CDC42EP4: variants seen among roughly 807,000 people sequenced by gnomAD.
CDC42EP4 encodes the protein CDC42 effector protein (Rho GTPase binding) 4.
CDC42EP4 carries 6 observed loss-of-function variants against 5.6 expected under a neutral mutation model. That is an observed-to-expected ratio of 1.07 (90% CI 0.59 to 2.12). The LOEUF (loss-of-function observed/expected upper bound fraction) is 2.12, where lower values mean the gene tolerates loss of function less well. Among genes scored for constraint, CDC42EP4 ranks in the 30% most tolerant of loss-of-function variants. The probability of loss-of-function intolerance (pLI) is 0.00; values close to 1 mark genes in which losing one functional copy is unlikely to be tolerated. For missense variants in CDC42EP4, 490 were observed against 508.6 expected (o/e 0.96, Z 0.35); for synonymous variants, 230 against 224.2 (o/e 1.03, Z -0.23).
intron 1 of CDC42EP4, among the ~76,000 whole-genome samples, chr17:73,294,130 C>G (rs1239622304): frequency 6.6e-6 from 1 of 152,098 alleles, no homozygotes; most frequent in African/African-American, 2.4e-5. Context: ...GCGGGTGGAT[C>G]TCCTGAGGTC....
rs768962013 is a variant in CDC42EP4 at position 73,285,411 on chromosome 17, T to C, written c.*19A>G. ...AGAAGATGCAGCCAAGAGCTCCCGGTGGCCACCCACTGTCCGCCTCACACA... is the reference window on the plus strand; with the variant it reads ...AGAAGATGCAGCCAAGAGCTCCCGGCGGCCACCCACTGTCCGCCTCACACA... On this transcript the variant is annotated 3_prime_UTR_variant, in exon 2 of 2. Coordinates refer to ENST00000335793, the MANE Select transcript of CDC42EP4 (RefSeq NM_012121.5). The surrounding 1 kb of genome is among the most constrained non-coding windows in gnomAD (Gnocchi z 6.8). 10 of 1,529,216 alleles carry C rather than the reference T, an allele frequency of 6.5e-6. No individual in the cohort carries two copies. Among genetic ancestry groups the C allele is most frequent in the Non-Finnish European group, 8.0e-6 (9 of 1,131,118 alleles). The allele number at this position is 1,529,216 out of a possible 1,614,324, so 94.7% of individuals were successfully genotyped here.
rs753732333 is a variant in CDC42EP4 at position 73,285,817 on chromosome 17, CTCCTTG to C, written c.678_683del (p.Asp226_Lys227del). ...CCTCCCCCTCCTCGGGGTCCCACTC[CTCCTTG>C]TCCATGATGCTGAGGACGTCACCCA... On this transcript the variant is annotated inframe_deletion, in exon 2 of 2. Transcript: ENST00000335793. This position sits in a 1 kb window ranked among gnomAD's most constrained non-coding sequence, Gnocchi z 6.8. 1 of 1,610,586 alleles carries C rather than the reference CTCCTTG, an allele frequency of 6.2e-7. No individual in the cohort carries two copies. Among genetic ancestry groups the C allele is most frequent in the Non-Finnish European group, 8.5e-7 (1 of 1,177,118 alleles).
Position 73,285,375 on chromosome 17 carries a change from TG to T in CDC42EP4, c.*54del, listed in dbSNP as rs2062126130. On this transcript the variant is annotated 3_prime_UTR_variant, in exon 2 of 2. Coordinates refer to ENST00000335793, the MANE Select transcript of CDC42EP4 (RefSeq NM_012121.5). This position sits in a 1 kb window ranked among gnomAD's most constrained non-coding sequence, Gnocchi z 6.8. ...CGTAGGGTCAAAGGTCATAGTGGGG[TG>T]GGGGCAGGGAGAAGATGCAGCCAAG... The T allele has an allele frequency of 2.2e-6, 3 of 1,384,190 alleles. No homozygotes were observed. Among genetic ancestry groups the T allele is most frequent in the Admixed American group, 2.1e-5 (1 of 48,050 alleles). The allele number at this position is 1,384,190 out of a possible 1,614,324, so 85.7% of individuals were successfully genotyped here.
chr17:73,308,067 G>C (rs573789571), intron 1 of CDC42EP4, among the ~76,000 whole-genome samples: 1 of 151,854 alleles, frequency 6.6e-6, no homozygotes, highest in Non-Finnish European at 1.5e-5. Flanking sequence ...CCTTCCCAAC[G>C]CACTCAAGCA....
intron 1 of CDC42EP4, among the ~76,000 whole-genome samples, chr17:73,308,633 G>A (rs992000678): frequency 2.0e-5 from 3 of 152,136 alleles, no homozygotes; most frequent in Admixed American, 6.5e-5. Flanking sequence ...CCACACCTGC[G>A]CACAGACAGT....
At chr17:73,306,775 G>A (rs1007277428) in intron 1 of CDC42EP4, 1 of 152,342 alleles carries the variant, frequency 6.6e-6, no homozygotes, top group African/African-American at 2.4e-5. Flanking sequence ...ACTGAGTGAA[G>A]ACCCGAGGTA....
At chr17:73,298,694 C>T (rs910825161) in intron 1 of CDC42EP4, among the ~76,000 whole-genome samples, 1 of 151,116 alleles carries the variant, frequency 6.6e-6, no homozygotes, top group African/African-American at 2.4e-5. Flanking sequence ...ATGGGGAAGG[C>T]ACTAAAGTGA....
At position 73,288,192 on chromosome 17, in the gene CDC42EP4, G is replaced by T. The variant is rs553097153; in HGVS notation, c.-112-1580C>A. On this transcript the variant is annotated intron_variant, in intron 1 of 1. Coordinates refer to ENST00000335793, the MANE Select transcript of CDC42EP4 (RefSeq NM_012121.5). Reference sequence around the variant, plus strand: ...ATGTCCCCTCTTCCAGCAGATACTGGCTACATTATTCTGTCCCTGCTGGCT... The same window carrying T: ...ATGTCCCCTCTTCCAGCAGATACTGTCTACATTATTCTGTCCCTGCTGGCT... Among the ~76,000 whole-genome samples, 8 of 152,122 alleles carry T rather than the reference G, an allele frequency of 5.3e-5. No homozygotes were observed. The East Asian group carries it at 1.6e-3, about 30-fold the overall frequency.
rs1009655820 is a variant in CDC42EP4, at chr17:73,285,133, G to A, written c.*297C>T. ...GCATCCATTTGAGGCCAGGGTGGAGGAAAGGGAGGCCAACAGAGGAAAACC... is the reference window on the plus strand; with the variant it reads ...GCATCCATTTGAGGCCAGGGTGGAGAAAAGGGAGGCCAACAGAGGAAAACC... On this transcript the variant is annotated 3_prime_UTR_variant, in exon 2 of 2. Coordinates refer to ENST00000335793, the MANE Select transcript of CDC42EP4 (RefSeq NM_012121.5). The surrounding 1 kb of genome is among the most constrained non-coding windows in gnomAD (Gnocchi z 6.8). 5.0e-5 allele frequency: 12 copies of A among 240,454 alleles called. No individual in the cohort carries two copies. Among genetic ancestry groups the A allele is most frequent in the Non-Finnish European group, 8.8e-5 (11 of 124,504 alleles). 14.9% of individuals were successfully genotyped at this position (240,454 alleles called of 1,614,324 possible).
chr17:73,290,158 C>T lies in CDC42EP4; in HGVS notation c.-112-3546G>A, dbSNP rs553481891. Among the ~76,000 whole-genome samples, 3 of 152,344 alleles carry T rather than the reference C, an allele frequency of 2.0e-5. No homozygotes were observed. The South Asian group carries it at 6.2e-4, about 32-fold the overall frequency. ...ACTGGAGGGGATATTCAGTGCAGCA[C>T]TTTCACTTTATGGATGAGGAAACAA... On this transcript the variant is annotated intron_variant, in intron 1 of 1. Transcript: ENST00000335793.
At chr17:73,308,505 A>G (rs751822937) in intron 1 of CDC42EP4, among the ~76,000 whole-genome samples, 154 of 152,222 alleles carry the variant, frequency 1.0e-3, no homozygotes, top group South Asian at 1.7e-3. Flanking sequence ...CTTACTGCTA[A>G]CCAAGTGCAA....
rs1247604043 is a variant in CDC42EP4 at position 73,285,898 on chromosome 17, C to T, written c.603G>A (p.Lys201=). 2 of 1,613,918 alleles carry T rather than the reference C, an allele frequency of 1.2e-6. No homozygotes were observed. The highest frequency in any genetic ancestry group is 1.3e-5 in the African/African-American group (1 of 74,942). The change falls in exon 2 of 2, where the codon AAG becomes AAA. Residue 201 remains lysine, a synonymous_variant. Coordinates refer to ENST00000335793, the MANE Select transcript of CDC42EP4 (RefSeq NM_012121.5). The surrounding 1 kb of genome is among the most constrained non-coding windows in gnomAD (Gnocchi z 6.8). ...PVVPKATYGL[K]HAESIMSFHI... ...GGAAGGACATGATGGACTCCGCATG[C>T]TTCAGCCCGTACGTGGCCTTGGGCA...
At chr17:73,305,173 C>T (rs903318687) in intron 1 of CDC42EP4, among the ~76,000 whole-genome samples, 3 of 152,202 alleles carry the variant, frequency 2.0e-5, no homozygotes, top group African/African-American at 7.2e-5. Context: ...CAAGGACATC[C>T]GGCAACTTCA....
At chr17:73,307,571 C>T (rs2062250489) in intron 1 of CDC42EP4, among the ~76,000 whole-genome samples, 2 of 151,650 alleles carry the variant, frequency 1.3e-5, no homozygotes, top group Admixed American at 1.3e-4. Flanking sequence ...CCTCAGCCTC[C>T]CAAGTAGCTG....
rs775038770 is a variant in CDC42EP4, at chr17:73,286,549, C to G, written c.-49G>C. The G allele has an allele frequency of 1.0e-5, 15 of 1,448,412 alleles. No individual in the cohort carries two copies. Among genetic ancestry groups the G allele is most frequent in the Non-Finnish European group, 1.4e-5 (15 of 1,073,488 alleles). 89.7% of individuals were successfully genotyped at this position (1,448,412 alleles called of 1,614,324 possible). On this transcript the variant is annotated 5_prime_UTR_variant, in exon 2 of 2. Coordinates refer to ENST00000335793, the MANE Select transcript of CDC42EP4 (RefSeq NM_012121.5). This position sits in a 1 kb window ranked among gnomAD's most constrained non-coding sequence, Gnocchi z 7.7. ...GGCCCTCCCGAGGTAGCCGGCAGGT[C>G]TGGGGTCAGATCTGAAGTCCAAGTC...
chr17:73,306,223 C>A (rs1468706171), intron 1 of CDC42EP4, among the ~76,000 whole-genome samples: 1 of 151,986 alleles, frequency 6.6e-6, no homozygotes, highest in Admixed American at 6.6e-5. Flanking sequence ...GGCACCGTGG[C>A]TCATGCCTGA....
At chr17:73,294,282 G>A (rs935506344) in intron 1 of CDC42EP4, among the ~76,000 whole-genome samples, 7 of 152,140 alleles carry the variant, frequency 4.6e-5, no homozygotes, top group Non-Finnish European at 1.0e-4. Context: ...AACCCAGGAG[G>A]TGGAGGTTGC....
chr17:73,307,836 G>C (rs1222806610), intron 1 of CDC42EP4, among the ~76,000 whole-genome samples: 1 of 148,616 alleles, frequency 6.7e-6, no homozygotes, highest in Non-Finnish European at 1.5e-5. Context: ...CCACCTCTTG[G>C]GTTCAAGCGA....
chr17:73,297,724 T>A (rs2145318598), intron 1 of CDC42EP4, among the ~76,000 whole-genome samples: 1 of 152,114 alleles, frequency 6.6e-6, no homozygotes, highest in African/African-American at 2.4e-5. Context: ...AGTGGCACCA[T>A]CTCAGCTCAC....
Sources: gnomAD v4.1 joint callset for allele counts (sites outside exome capture counted in the v4.1 genomes callset) on GRCh38, gnomAD v4.1.1 for gene constraint, Gnocchi (gnomAD v3.1) non-coding constraint, MANE v1.5 for transcripts, NCBI Gene and HGNC (gene_info 2026-07-23, HGNC 2026-07-21) for gene names.